The following CAPN7 variants were observed in gnomAD, a reference collection of about 807,000 sequenced individuals.
CAPN7 encodes the protein calpain-7.
In CAPN7, 72 loss-of-function variants were observed where a neutral mutation model predicts 115.2. The observed-to-expected ratio is 0.63, with a 90% CI of 0.52 to 0.76. CAPN7 has a LOEUF of 0.76. Among genes scored for constraint, CAPN7 ranks in the 30% least tolerant of loss-of-function variants. CAPN7 has a pLI of 0.00. For synonymous variants in CAPN7, 344 were observed against 322.3 expected (o/e 1.07, Z -0.72); for missense variants, 905 against 971.5 (o/e 0.93, Z 0.91).
chr3:15,223,433 A>G (rs767579784), intron 5 of CAPN7, 42 bp from the exon 6 acceptor site: 10 of 1,214,452 alleles, frequency 8.2e-6, no homozygotes, highest in Non-Finnish European at 1.2e-5. Context: ...TTGGCAATTA[A>G]GGTAAACTTG....
intron 6 of CAPN7, among the ~76,000 whole-genome samples, chr3:15,224,953 T>C (rs1694227664): frequency 1.3e-5 from 2 of 152,194 alleles, no homozygotes. Flanking sequence ...AGAAACTTTA[T>C]AGCATTAATG....
At chr3:15,240,690 T>C (rs1327626875) in intron 13 of CAPN7, 64 bp from the exon 14 acceptor site, 32 of 1,545,116 alleles carry the variant, frequency 2.1e-5, no homozygotes, top group Non-Finnish European at 2.7e-5. Flanking sequence ...ACAAAACATG[T>C]GTAACTGACT....
chr3:15,251,455 A>G lies in CAPN7; in HGVS notation c.*195A>G. The G allele has an allele frequency of 2.1e-6, 1 of 466,006 alleles. No individual in the cohort carries two copies. Among genetic ancestry groups the G allele is most frequent in the Non-Finnish European group, 3.8e-6 (1 of 266,466 alleles). The allele number at this position is 466,006 out of a possible 1,614,324, so 28.9% of individuals were successfully genotyped here. A position where few individuals can be genotyped will look rare whatever the true frequency, so the allele number is the denominator to read the frequency against. ...AGTCAGAATTACCTAAATCACCTAG[A>G]GGTACCGTTTACATGGTTTTGTGTA... On this transcript the variant is annotated 3_prime_UTR_variant, in exon 21 of 21. Transcript: ENST00000253693.
chr3:15,228,281 G>T (rs982767188), intron 7 of CAPN7, among the ~76,000 whole-genome samples: 1 of 152,070 alleles, frequency 6.6e-6, no homozygotes, highest in Non-Finnish European at 1.5e-5. Flanking sequence ...AATTATTTGA[G>T]TAATTATTCA....
At chr3:15,234,073 T>C in intron 11 of CAPN7, 100 bp downstream of exon 11, 1 of 624,494 alleles carries the variant, frequency 1.6e-6, no homozygotes, top group Non-Finnish European at 2.8e-6. Context: ...CCCAGCACTA[T>C]GGGAGGCCAA....
chr3:15,236,550 TG>T (rs1695004001), intron 12 of CAPN7, among the ~76,000 whole-genome samples: 1 of 152,230 alleles, frequency 6.6e-6, no homozygotes, highest in Non-Finnish European at 1.5e-5. Context: ...TACAGTCACG[TG>T]TTGCTTAATG....
At chr3:15,228,034 G>T in intron 7 of CAPN7, 69 bp downstream of exon 7, 2 of 1,216,264 alleles carry the variant, frequency 1.6e-6, no homozygotes, top group Non-Finnish European at 1.1e-6. Flanking sequence ...ATAGATTTGA[G>T]TTTTTTCTTA....
At chr3:15,245,832 G>T in intron 17 of CAPN7, 161 bp downstream of exon 17, 1 of 515,880 alleles carries the variant, frequency 1.9e-6, no homozygotes, top group Non-Finnish European at 3.2e-6. Context: ...ACTTTCTGTA[G>T]AAAATAATAC....
intron 4 of CAPN7, among the ~76,000 whole-genome samples, chr3:15,220,307 A>C (rs1427984164): frequency 6.6e-6 from 1 of 152,188 alleles, no homozygotes; most frequent in Non-Finnish European, 1.5e-5. Context: ...ATGCTTCCTC[A>C]CTGCCCAGGT....
chr3:15,242,349 T>G (rs1352071866), intron 16 of CAPN7, 96 bp downstream of exon 16: 1 of 735,916 alleles, frequency 1.4e-6, no homozygotes, highest in African/African-American at 1.8e-5. Flanking sequence ...GTAGATAATA[T>G]AGAGAAATAA....
At chr3:15,232,271 T>C (rs1694737120) in intron 9 of CAPN7, 3 of 366,138 alleles carry the variant, frequency 8.2e-6, no homozygotes, top group African/African-American at 6.5e-5. Context: ...TCAGTGATAG[T>C]TACATGACAT....
chr3:15,206,720 C>T (rs2044646833), intron 1 of CAPN7, 123 bp downstream of exon 1: 4 of 667,156 alleles, frequency 6.0e-6, no homozygotes, highest in Non-Finnish European at 1.0e-5. Context: ...CCCTCGTCCG[C>T]CTCCCGGCCC....
chr3:15,224,435 G>A (rs555013922), intron 6 of CAPN7, among the ~76,000 whole-genome samples: 6 of 152,016 alleles, frequency 3.9e-5, no homozygotes, highest in African/African-American at 9.6e-5. Flanking sequence ...ATCACGCCCA[G>A]CTAATTTTTG....
intron 12 of CAPN7, 66 bp downstream of exon 12, chr3:15,235,211 A>AT (rs1694916952): frequency 9.9e-6 from 14 of 1,415,094 alleles, no homozygotes; most frequent in Non-Finnish European, 1.2e-5. Context: ...ATCCCAGATA[A>AT]TTTATCAGAC....
chr3:15,210,703 C>A (rs967319723), intron 1 of CAPN7: 6 of 972,328 alleles, frequency 6.2e-6, no homozygotes, highest in Non-Finnish European at 8.5e-6. Flanking sequence ...TCAGGTGATC[C>A]TCCCGCCTCA....
At chr3:15,240,685 A>G in intron 13 of CAPN7, 68 bp downstream of exon 13, 13 of 1,542,630 alleles carry the variant, frequency 8.4e-6, no homozygotes, top group Non-Finnish European at 1.1e-5. Context: ...ACAAGACAAA[A>G]CATGTGTAAC....
Position 15,218,604 on chromosome 3 carries a change from C to G in CAPN7, c.437+64C>G, listed in dbSNP as rs1476452543. 6 of 1,153,184 alleles carry G rather than the reference C, an allele frequency of 5.2e-6. No individual in the cohort carries two copies. In the East Asian group the frequency reaches 1.4e-4, roughly 27 times the overall value. 71.4% of individuals were successfully genotyped at this position (1,153,184 alleles called of 1,614,324 possible). ...CTTAGTGTTATTTAAACAAATTTAT[C>G]TAAATGTGTTGTAAAGGCTGCAGTA... is the stretch of plus-strand genomic sequence containing the variant. On this transcript the variant is annotated intron_variant, in intron 4 of 20. Transcript: ENST00000253693.
rs141078134 is a variant in CAPN7 at position 15,247,430 on chromosome 3, C to A, written c.2177C>A (p.Pro726Gln). ...IYQFHIEKTG[P>Q]LLIELRGPRQ... The stretch of plus-strand genomic sequence containing the variant: ...CAATTCCATATAGAAAAGACTGGGC[C>A]GTTACTGATTGAGCTACGAGGACCA... The change falls in exon 19 of 21, where the codon CCG (proline) becomes CAG (glutamine). Residue 726 changes from proline (P) to glutamine (Q), a missense_variant. This residue lies in a region of CAPN7 where 620 missense variants were observed against 703.4 expected (regional missense o/e 0.88). Coordinates refer to ENST00000253693, the MANE Select transcript of CAPN7 (RefSeq NM_014296.3). The A allele has an allele frequency of 6.2e-7, 1 of 1,601,430 alleles. No homozygotes were observed. The highest frequency in any genetic ancestry group is 1.1e-5 in the South Asian group (1 of 88,160).
chr3:15,220,819 G>A lies in CAPN7; in HGVS notation c.476G>A (p.Gly159Asp). The A allele has an allele frequency of 6.2e-7, 1 of 1,614,176 alleles. No homozygotes were observed. Among genetic ancestry groups the A allele is most frequent in the Non-Finnish European group, 8.5e-7 (1 of 1,180,026 alleles). The change falls in exon 5 of 21, where the codon GGC becomes GAC. Residue 159 changes from glycine (G) to aspartate (D), a missense_variant. Gly to Asp is a moderately conservative substitution (Grantham distance 94, BLOSUM62 -1). Around this residue, in one of 3 missense-constraint regions of CAPN7, gnomAD observed 271 missense variants for 239.6 expected, o/e 1.13. Transcript: ENST00000253693. ...ALSEPLTKPV[G>D]KISSTSVKPK... Reference sequence around the variant, plus strand: ...AGTGAGCCTTTGACCAAGCCAGTTGGCAAAATCAGTTCAACAAGTGTTAAG... The same window carrying A: ...AGTGAGCCTTTGACCAAGCCAGTTGACAAAATCAGTTCAACAAGTGTTAAG...
Sources: gnomAD v4.1 joint callset for allele counts (sites outside exome capture counted in the v4.1 genomes callset) on GRCh38, gnomAD v4.1.1 for gene constraint, gnomAD v4.1.1 regional missense constraint, MANE v1.5 for transcripts, NCBI Gene and HGNC (gene_info 2026-07-23, HGNC 2026-07-21) for gene names.